The following OR2AG2 variants were observed in gnomAD, a reference collection of about 807,000 sequenced individuals.
OR2AG2 encodes the protein olfactory receptor family 2 subfamily AG member 2.
For synonymous variants in OR2AG2, 167 were observed against 157.1 expected (o/e 1.06, Z -0.47); for missense variants, 390 against 391.9 (o/e 1.00, Z 0.04).
At position 6,769,472 on chromosome 11, in the gene OR2AG2, T is replaced by C. The variant is rs980254233; in HGVS notation, c.-515A>G. ...TGGGTTCTTGGGCTGCTTGATCACC[T>C]GGACTCTTCAAGTGCTGCTCTGCTG... On this transcript the variant is annotated 5_prime_UTR_variant, in exon 2 of 2. Transcript: ENST00000641124. 2.1e-4 allele frequency: 33 copies of C among 156,094 alleles called. No homozygotes were observed. The highest frequency in any genetic ancestry group is 3.7e-4 in the Non-Finnish European group (26 of 70,536). The allele number at this position is 156,094 out of a possible 1,614,324, so 9.7% of individuals were successfully genotyped here.
intron 1 of OR2AG2, among the ~76,000 whole-genome samples, chr11:6,770,827 G>C (rs11041009): frequency 6.6e-6 from 1 of 152,072 alleles, no homozygotes; most frequent in Non-Finnish European, 1.5e-5. Flanking sequence ...GGATTTCAAA[G>C]AGAAGAAAAA....
In OR2AG2 at chr11:6,765,786, T is replaced by A. The variant is rs1478301931; in HGVS notation, c.*2221A>T. ...AGAGATTTATTGTAGATCATGGCAA[T>A]TATAGTTAATCAGATTATATTGTGT... On this transcript the variant is annotated 3_prime_UTR_variant, in exon 2 of 2. Coordinates refer to ENST00000641124, the MANE Select transcript of OR2AG2 (RefSeq NM_001004490.2). The A allele has an allele frequency of 1.3e-5, 2 of 152,088 alleles. No homozygotes were observed. The highest frequency in any genetic ancestry group is 2.9e-5 in the Non-Finnish European group (2 of 67,972). The allele number at this position is 152,088 out of a possible 1,614,324, so 9.4% of individuals were successfully genotyped here. A position where few individuals can be genotyped will look rare whatever the true frequency, so the allele number is the denominator to read the frequency against.
Position 6,766,620 on chromosome 11 carries a change from C to T in OR2AG2, c.*1387G>A, listed in dbSNP as rs911500479. 2.6e-5 allele frequency: 4 copies of T among 151,922 alleles called. No individual in the cohort carries two copies. Among genetic ancestry groups the T allele is most frequent in the African/African-American group, 7.2e-5 (3 of 41,434 alleles). 9.4% of individuals were successfully genotyped at this position (151,922 alleles called of 1,614,324 possible). On this transcript the variant is annotated 3_prime_UTR_variant, in exon 2 of 2. Transcript: ENST00000641124. ...GCACTATTCTCAAGAATAATAACACCTATGTAAGCCAAGATATTTTGGGAA... is the reference window on the plus strand; with the variant it reads ...GCACTATTCTCAAGAATAATAACACTTATGTAAGCCAAGATATTTTGGGAA...
Position 6,767,434 on chromosome 11 carries a change from G to A in OR2AG2, c.*573C>T, listed in dbSNP as rs2119650650. The A allele has an allele frequency of 6.6e-6, 1 of 152,604 alleles. No individual in the cohort carries two copies. The highest frequency in any genetic ancestry group is 2.1e-4 in the South Asian group (1 of 4,830). The allele number at this position is 152,604 out of a possible 1,614,324, so 9.5% of individuals were successfully genotyped here. On this transcript the variant is annotated 3_prime_UTR_variant, in exon 2 of 2. Transcript: ENST00000641124. ...AAGTAACCAATGTGAAGGTCCCTTAGGTCTAGAGTACAAATGCAGTCACAT... is the reference window on the plus strand; with the variant it reads ...AAGTAACCAATGTGAAGGTCCCTTAAGTCTAGAGTACAAATGCAGTCACAT...
Position 6,768,346 on chromosome 11 carries a change from C to T in OR2AG2, c.612G>A (p.Val204=), listed in dbSNP as rs1289000930. 1.9e-6 allele frequency: 3 copies of T among 1,614,038 alleles called. No individual in the cohort carries two copies. The highest frequency in any genetic ancestry group is 2.5e-6 in the Non-Finnish European group (3 of 1,179,978). The change falls in exon 2 of 2, where the codon GTG becomes GTA. Residue 204 remains valine (V), a synonymous_variant. Transcript: ENST00000641124. ...RYELIIYVTG[V]TFLLLPISAI... ...CAGAAATGGGGAGCAAGAGGAAAGT[C>T]ACACCTGTCACGTATATTATAAGCT...
Position 6,768,736 on chromosome 11 carries a change from T to C in OR2AG2, c.222A>G (p.Thr74=). 1 of 1,614,136 alleles carries C rather than the reference T, an allele frequency of 6.2e-7. No homozygotes were observed. The highest frequency in any genetic ancestry group is 8.5e-7 in the Non-Finnish European group (1 of 1,180,016). The change falls in exon 2 of 2, where the codon ACA becomes ACG. Residue 74 remains threonine, a synonymous_variant. Transcript: ENST00000641124. ...CAAGGGCCTTGGGAGTGACAACAGATGTGAACAGGAGGTCCATGAGAGAGA... is the reference window on the plus strand; with the variant it reads ...CAAGGGCCTTGGGAGTGACAACAGACGTGAACAGGAGGTCCATGAGAGAGA... The part of the protein sequence containing the change: ...GQLSLMDLLF[T]SVVTPKALAD...
At position 6,766,776 on chromosome 11, in the gene OR2AG2, A is replaced by G. The variant is rs910027429; in HGVS notation, c.*1231T>C. ...TTATAAATTTTATACTTCCTTTTCTATGGAAACACACATGTACATACACTC... is the reference window on the plus strand; with the variant it reads ...TTATAAATTTTATACTTCCTTTTCTGTGGAAACACACATGTACATACACTC... On this transcript the variant is annotated 3_prime_UTR_variant, in exon 2 of 2. Coordinates refer to ENST00000641124, the MANE Select transcript of OR2AG2 (RefSeq NM_001004490.2). The G allele has an allele frequency of 3.3e-5, 5 of 152,182 alleles. No individual in the cohort carries two copies. The highest frequency in any genetic ancestry group is 5.9e-5 in the Non-Finnish European group (4 of 68,026). 9.4% of individuals were successfully genotyped at this position (152,182 alleles called of 1,614,324 possible). A position where few individuals can be genotyped will look rare whatever the true frequency, so the allele number is the denominator to read the frequency against.
chr11:6,770,201 C>G lies in OR2AG2; in HGVS notation c.-537-707G>C, dbSNP rs79892440. 6.6e-3 allele frequency among the ~76,000 whole-genome samples: 999 copies of G among 152,100 alleles called. 5 individuals are homozygous for G. The highest frequency in any genetic ancestry group is 0.023 in the African/African-American group (964 of 41,476). On this transcript the variant is annotated intron_variant, in intron 1 of 1. Transcript: ENST00000641124. ...GACCTATGATATCTCAGGCACTGCA[C>G]TTGGGCAACTGTGTAGATGTGAAAA...
At position 6,766,311 on chromosome 11, in the gene OR2AG2, T is replaced by C. The variant is rs1413585211; in HGVS notation, c.*1696A>G. On this transcript the variant is annotated 3_prime_UTR_variant, in exon 2 of 2. Transcript: ENST00000641124. The stretch of plus-strand genomic sequence containing the variant: ...ATCACTACTCTAAAATATTCCCTCA[T>C]AGCAAGGAAGAAGATTCACCAAATT... 2 of 152,062 alleles carry C rather than the reference T, an allele frequency of 1.3e-5. No individual in the cohort carries two copies. Among genetic ancestry groups the C allele is most frequent in the South Asian group, 2.1e-4 (1 of 4,824 alleles). 9.4% of individuals were successfully genotyped at this position (152,062 alleles called of 1,614,324 possible).
In OR2AG2 at chr11:6,768,763, C is replaced by T. The variant is rs148881109; in HGVS notation, c.195G>A (p.Gln65=). 37 of 1,614,118 alleles carry T rather than the reference C, an allele frequency of 2.3e-5. No individual in the cohort carries two copies. The African/African-American group carries it at 4.0e-4, about 17-fold the overall frequency. The change falls in exon 2 of 2, where the codon CAG becomes CAA. Residue 65 remains glutamine, a synonymous_variant. Coordinates refer to ENST00000641124, the MANE Select transcript of OR2AG2 (RefSeq NM_001004490.2). ...LHMPMYLLLG[Q]LSLMDLLFTS... The stretch of plus-strand genomic sequence containing the variant: ...TGAACAGGAGGTCCATGAGAGAGAG[C>T]TGCCCAAGCAGGAGGTACATGGGCA...
rs950698766 is a variant in OR2AG2 at position 6,766,041 on chromosome 11, T to C, written c.*1966A>G. The C allele has an allele frequency of 6.6e-6, 1 of 152,148 alleles. No individual in the cohort carries two copies. Among genetic ancestry groups the C allele is most frequent in the African/African-American group, 2.4e-5 (1 of 41,434 alleles). The allele number at this position is 152,148 out of a possible 1,614,324, so 9.4% of individuals were successfully genotyped here. A position where few individuals can be genotyped will look rare whatever the true frequency, so the allele number is the denominator to read the frequency against. On this transcript the variant is annotated 3_prime_UTR_variant, in exon 2 of 2. Transcript: ENST00000641124. Reference sequence around the variant, plus strand: ...TAAAATAAGATTTTTTAAAAAGGCTTTTTACTATTTATCCATATAGCAGCC... The same window carrying C: ...TAAAATAAGATTTTTTAAAAAGGCTCTTTACTATTTATCCATATAGCAGCC...
intron 1 of OR2AG2, 85 bp downstream of exon 1, chr11:6,771,534 GAGA>G (rs1847447505): frequency 6.6e-6 from 1 of 152,292 alleles, no homozygotes; most frequent in African/African-American, 2.4e-5. Flanking sequence ...TAGAGAATCT[GAGA>G]AGGAGAGCAG....
Position 6,767,998 on chromosome 11 carries a change from G to A in OR2AG2, c.*9C>T, listed in dbSNP as rs1363830946. The A allele has an allele frequency of 6.3e-7, 1 of 1,593,366 alleles. No individual in the cohort carries two copies. Among genetic ancestry groups the A allele is most frequent in the South Asian group, 1.1e-5 (1 of 87,874 alleles). On this transcript the variant is annotated 3_prime_UTR_variant, in exon 2 of 2. Coordinates refer to ENST00000641124, the MANE Select transcript of OR2AG2 (RefSeq NM_001004490.2). ...GGAGGAATGGTGAGAGGCAAGCCAT[G>A]ATCCTTCCCTAGAGCGTGGAATGTG...
Position 6,768,345 on chromosome 11 carries a change from T to G in OR2AG2, c.613A>C (p.Thr205Pro). The change falls in exon 2 of 2, where the codon ACT (threonine) becomes CCT (proline). Residue 205 changes from threonine (T) to proline (P), a missense_variant. Physicochemically the swap from Thr to Pro is conservative, Grantham distance 38. Transcript: ENST00000641124. ...YELIIYVTGVTFLLLPISAIV... is the reference protein window; with the variant it reads ...YELIIYVTGVPFLLLPISAIV... ...GCAGAAATGGGGAGCAAGAGGAAAG[T>G]CACACCTGTCACGTATATTATAAGC... 6.2e-7 allele frequency: 1 copy of G among 1,614,004 alleles called. No homozygotes were observed. The highest frequency in any genetic ancestry group is 8.5e-7 in the Non-Finnish European group (1 of 1,179,964).
chr11:6,765,655 C>T lies in OR2AG2; in HGVS notation c.*2352G>A, dbSNP rs2119645214. On this transcript the variant is annotated 3_prime_UTR_variant, in exon 2 of 2. Coordinates refer to ENST00000641124, the MANE Select transcript of OR2AG2 (RefSeq NM_001004490.2). ...ATGCAGAACCTGTAAGCTGAATTTA[C>T]AGAAACAGAGAGTAAAATGGTGGTT... 6.6e-6 allele frequency: 1 copy of T among 152,090 alleles called. No homozygotes were observed. The highest frequency in any genetic ancestry group is 2.4e-5 in the African/African-American group (1 of 41,538). 9.4% of individuals were successfully genotyped at this position (152,090 alleles called of 1,614,324 possible). A position where few individuals can be genotyped will look rare whatever the true frequency, so the allele number is the denominator to read the frequency against.
At chr11:6,771,304 T>C (rs933542739) in intron 1 of OR2AG2, among the ~76,000 whole-genome samples, 1 of 152,180 alleles carries the variant, frequency 6.6e-6, no homozygotes, top group Non-Finnish European at 1.5e-5. Context: ...TACTATTCAT[T>C]TGGGGACTCA....
intron 1 of OR2AG2, among the ~76,000 whole-genome samples, chr11:6,769,972 T>G (rs1847432398): frequency 6.6e-6 from 1 of 152,182 alleles, no homozygotes; most frequent in Non-Finnish European, 1.5e-5. Context: ...TTAGGAGGCC[T>G]TTTGGAAGAG....
rs371067814 is a variant in OR2AG2, at chr11:6,771,303, T to C, written c.-538+319A>G. ...TAGTCCTCCTTTGAGGTACTATTCA[T>C]TTGGGGACTCACATCAAACTACTGG... On this transcript the variant is annotated intron_variant, in intron 1 of 1. Coordinates refer to ENST00000641124, the MANE Select transcript of OR2AG2 (RefSeq NM_001004490.2). Among the ~76,000 whole-genome samples the C allele has an allele frequency of 4.6e-5, 7 of 152,314 alleles. No individual in the cohort carries two copies. In the South Asian group the frequency reaches 1.5e-3, roughly 32 times the overall value.
At chr11:6,771,410 C>T (rs769120188) in intron 1 of OR2AG2, among the ~76,000 whole-genome samples, 20 of 152,134 alleles carry the variant, frequency 1.3e-4, no homozygotes, top group East Asian at 1.9e-4. Context: ...TAGGAACTCA[C>T]GGCTGGCCAA....
Sources: gnomAD v4.1 joint callset for allele counts (sites outside exome capture counted in the v4.1 genomes callset) on GRCh38, gnomAD v4.1.1 for gene constraint, MANE v1.5 for transcripts, NCBI Gene and HGNC (gene_info 2026-07-23, HGNC 2026-07-21) for gene names.